Variants in CSGALNACT1 observed in about 807,000 individuals in gnomAD.
The protein encoded by CSGALNACT1 is beta4GalNAcT-1.
CSGALNACT1 carries 52 observed loss-of-function variants against 51.0 expected under a neutral mutation model. The ratio of observed to expected loss-of-function variants is 1.02; its 90% CI spans 0.82 to 1.29. CSGALNACT1 has a LOEUF of 1.29. Ranked by LOEUF, CSGALNACT1 falls within the 50% of genes most tolerant of loss-of-function variation. The pLI, the probability that CSGALNACT1 is intolerant of heterozygous loss-of-function variation, is 0.00. For missense variants in CSGALNACT1, 935 were observed against 679.2 expected, an observed-to-expected ratio of 1.38 and a Z score of -4.19; for synonymous variants, 341 against 254.4, an observed-to-expected ratio of 1.34 and a Z score of -3.24.
chr8:19,532,649 C>G (rs966693910), intron 3 of CSGALNACT1, among the ~76,000 whole-genome samples: 2 of 152,170 alleles, frequency 1.3e-5, no homozygotes, highest in Admixed American at 6.6e-5. Flanking sequence ...TCCCTGCCTT[C>G]TAGCCTTGGC....
chr8:19,652,662 A>C (rs1750818438), intron 1 of CSGALNACT1, among the ~76,000 whole-genome samples: 1 of 152,176 alleles, frequency 6.6e-6, no homozygotes, highest in South Asian at 2.1e-4. Context: ...CTCTATTTAC[A>C]GTAGACTTTG....
chr8:19,547,417 C>A (rs2086722571), intron 3 of CSGALNACT1, among the ~76,000 whole-genome samples: 1 of 142,146 alleles, frequency 7.0e-6, no homozygotes, highest in Non-Finnish European at 1.5e-5. Context: ...TGGGAGAGAC[C>A]CAGTGGGAGA....
At chr8:19,590,491 G>A (rs939924953) in intron 3 of CSGALNACT1, among the ~76,000 whole-genome samples, 21 of 152,184 alleles carry the variant, frequency 1.4e-4, no homozygotes, top group Admixed American at 1.3e-4. Flanking sequence ...TTGAGACATC[G>A]CGCAGTGCTC....
intron 5 of CSGALNACT1, among the ~76,000 whole-genome samples, chr8:19,441,583 G>C (rs1003461537): frequency 3.9e-5 from 6 of 152,308 alleles, no homozygotes; most frequent in Admixed American, 6.5e-5. Flanking sequence ...ATGGATTAAA[G>C]ACTTACATGT....
At chr8:19,646,015 T>C (rs969299125) in intron 1 of CSGALNACT1, among the ~76,000 whole-genome samples, 3 of 152,158 alleles carry the variant, frequency 2.0e-5, no homozygotes, top group Non-Finnish European at 2.9e-5. Flanking sequence ...ATAAGCCTTT[T>C]AATTAAAAGA....
intron 3 of CSGALNACT1, among the ~76,000 whole-genome samples, chr8:19,559,426 GC>G (rs1284629383): frequency 6.6e-6 from 1 of 152,164 alleles, no homozygotes; most frequent in African/African-American, 2.4e-5. Flanking sequence ...AGACAAAGAT[GC>G]CTACCATCCG....
chr8:19,590,510 C>T (rs1045595498), intron 3 of CSGALNACT1, among the ~76,000 whole-genome samples: 2 of 152,150 alleles, frequency 1.3e-5, no homozygotes, highest in African/African-American at 4.8e-5. Context: ...TCAAGAGATG[C>T]ACACATCCCA....
intron 1 of CSGALNACT1, among the ~76,000 whole-genome samples, chr8:19,650,599 C>G (rs1281291641): frequency 1.3e-5 from 2 of 152,110 alleles, no homozygotes; most frequent in Non-Finnish European, 2.9e-5. Flanking sequence ...TCCTGGTTCC[C>G]AAGACCATCA....
intron 3 of CSGALNACT1, among the ~76,000 whole-genome samples, chr8:19,511,630 A>C (rs1255770889): frequency 6.6e-6 from 1 of 152,156 alleles, no homozygotes; most frequent in African/African-American, 2.4e-5. Flanking sequence ...ATGGCCCTCA[A>C]TGGTCCCTGC....
intron 4 of CSGALNACT1, among the ~76,000 whole-genome samples, chr8:19,502,287 C>G (rs1352177877): frequency 6.6e-6 from 1 of 152,112 alleles, no homozygotes; most frequent in Non-Finnish European, 1.5e-5. Flanking sequence ...CAAGAGAGAC[C>G]AGAAGGCTGG....
intron 5 of CSGALNACT1, among the ~76,000 whole-genome samples, chr8:19,453,548 T>C (rs879554890): frequency 1.3e-5 from 2 of 151,990 alleles, no homozygotes; most frequent in African/African-American, 2.4e-5. Flanking sequence ...AAATAAAGCA[T>C]CCAAAAATTT....
intron 5 of CSGALNACT1, among the ~76,000 whole-genome samples, chr8:19,447,552 G>C (rs1271504133): frequency 6.6e-6 from 1 of 152,166 alleles, no homozygotes; most frequent in Non-Finnish European, 1.5e-5. Flanking sequence ...TAACTATTGT[G>C]GGAGGTGCTG....
intron 3 of CSGALNACT1, 37 bp from the exon 3 acceptor site, chr8:19,506,167 A>C: frequency 1.9e-6 from 1 of 529,012 alleles, no homozygotes; most frequent in Non-Finnish European, 3.6e-6. Context: ...CACTTAATCA[A>C]GACAACGACT....
At chr8:19,732,502 T>C (rs1563165608) in intron 1 of CSGALNACT1, 1 of 152,102 alleles carries the variant, frequency 6.6e-6, no homozygotes, top group Non-Finnish European at 1.5e-5. Flanking sequence ...ATCCTGAAAA[T>C]AGAATAAAAA....
chr8:19,754,310 G>C (rs1415829693), intron 1 of CSGALNACT1, among the ~76,000 whole-genome samples: 1 of 152,162 alleles, frequency 6.6e-6, no homozygotes, highest in Non-Finnish European at 1.5e-5. Context: ...TTATAGATGT[G>C]AGACATTTTT....
intron 3 of CSGALNACT1, among the ~76,000 whole-genome samples, chr8:19,566,355 G>A (rs117448835): frequency 0.034 from 5,177 of 152,212 alleles, 138 homozygotes; most frequent in South Asian, 0.062. Flanking sequence ...CAGAGGAAGC[G>A]TGGCCCTGCT....
intron 1 of CSGALNACT1, among the ~76,000 whole-genome samples, chr8:19,664,271 C>A (rs528686123): frequency 6.6e-6 from 1 of 152,222 alleles, no homozygotes; most frequent in South Asian, 2.1e-4. Context: ...ATTTTGCAAA[C>A]TAAAACCACA....
intron 1 of CSGALNACT1, among the ~76,000 whole-genome samples, chr8:19,746,991 C>T (rs2064711799): frequency 6.6e-6 from 1 of 152,204 alleles, no homozygotes. Context: ...ATGCCTCCCA[C>T]ATGCCTTCAC....
chr8:19,745,130 G>A (rs1366224357), intron 1 of CSGALNACT1, among the ~76,000 whole-genome samples: 1 of 152,178 alleles, frequency 6.6e-6, no homozygotes, highest in African/African-American at 2.4e-5. Flanking sequence ...AGTTCTTCAA[G>A]TATTTTTGTA....
Sources: allele counts gnomAD v4.1 joint callset (sites outside exome capture counted in the v4.1 genomes callset), GRCh38; gene constraint gnomAD v4.1.1; transcripts MANE v1.5; gene names NCBI Gene and HGNC (gene_info 2026-07-23, HGNC 2026-07-21).